Variants in TBX10 observed in about 807,000 individuals in gnomAD.
TBX10 encodes the protein T-box transcription factor TBX10.
Under a neutral mutation model 32.4 loss-of-function variants are expected in TBX10, and 26 were observed. The ratio of observed to expected loss-of-function variants is 0.80; its 90% CI spans 0.59 to 1.11. The LOEUF (loss-of-function observed/expected upper bound fraction) is 1.11. Ranked by LOEUF, TBX10 falls within the 50% of genes most tolerant of loss-of-function variation. The pLI, the probability that TBX10 is intolerant of heterozygous loss-of-function variation, is 0.00. For missense variants in TBX10, 490 were observed against 494.5 expected, an observed-to-expected ratio of 0.99 and a Z score of 0.09; for synonymous variants, 195 against 203.1, an observed-to-expected ratio of 0.96 and a Z score of 0.34.
chr11:67,640,223 C>T (rs955660073), upstream of TBX10, among the ~76,000 whole-genome samples: 20 of 152,340 alleles, frequency 1.3e-4, no homozygotes, highest in Admixed American at 9.8e-4. Flanking sequence ...TCCTGTGGCA[C>T]GTGAACCCAC....
intron 3 of TBX10, 151 bp downstream of exon 3, chr11:67,634,665 C>T: frequency 1.1e-6 from 1 of 894,520 alleles, no homozygotes; most frequent in East Asian, 2.6e-5. Flanking sequence ...TGCCCTCAGG[C>T]TGTTGTTGCG....
At chr11:67,633,840 C>T (rs1360724253) in intron 4 of TBX10, among the ~76,000 whole-genome samples, 1 of 152,216 alleles carries the variant, frequency 6.6e-6, no homozygotes, top group Non-Finnish European at 1.5e-5. Context: ...CAGGAAGTGA[C>T]CTCTGTGAGG....
chr11:67,638,280 A>G (rs1450955182), intron 1 of TBX10, among the ~76,000 whole-genome samples: 1 of 147,588 alleles, frequency 6.8e-6, no homozygotes, highest in African/African-American at 2.5e-5. Context: ...TGTGTTATGT[A>G]TATTTTACAA....
chr11:67,634,975 C>T, intron 2 of TBX10, 21 bp downstream of exon 2: 1 of 1,613,312 alleles, frequency 6.2e-7, no homozygotes. Flanking sequence ...CCCTGCCTCA[C>T]CCCGCCCCCG....
rs1380853498 is a variant in TBX10, at chr11:67,631,556, C to G, written c.*49G>C. 4 of 1,558,758 alleles carry G rather than the reference C, an allele frequency of 2.6e-6. No individual in the cohort carries two copies. Among genetic ancestry groups the G allele is most frequent in the Admixed American group, 1.9e-5 (1 of 53,626 alleles). On this transcript the variant is annotated 3_prime_UTR_variant, in exon 8 of 8. Transcript: ENST00000335385. The stretch of plus-strand genomic sequence containing the variant: ...GGCGGGGCAGAGGCTGATTCCCACA[C>G]CCGGTGTAAGGTCCAGGGTAGCAGG...
At chr11:67,641,550 C>T (rs573308034), upstream of TBX10, among the ~76,000 whole-genome samples, 2 of 152,350 alleles carry the variant, frequency 1.3e-5, no homozygotes, top group South Asian at 2.1e-4. Context: ...CCCCCGTATC[C>T]TTCACACCTT....
In TBX10 at chr11:67,632,595, G is replaced by A. The variant is rs750672454; in HGVS notation, c.773+8C>T. ...GGGTGAGGGGCTAGGGTCAGGGTCAGACAGTACCAGGAGTCCAGGTCACTC... is the reference window on the plus strand; with the variant it reads ...GGGTGAGGGGCTAGGGTCAGGGTCAAACAGTACCAGGAGTCCAGGTCACTC... On this transcript the variant is annotated splice_region_variant and intron_variant, in intron 6 of 7. Coordinates refer to ENST00000335385, the MANE Select transcript of TBX10 (RefSeq NM_005995.5). 1 of 1,614,000 alleles carries A rather than the reference G, an allele frequency of 6.2e-7. No individual in the cohort carries two copies. Among genetic ancestry groups the A allele is most frequent in the Admixed American group, 1.7e-5 (1 of 60,032 alleles).
In TBX10 at chr11:67,632,044, T is replaced by C; in HGVS notation, c.869-150A>G. ...TTTCCCTCTGCCTGGAATTTCTTCT[T>C]CACCTTCTCCCTCTGTCCAAACCCT... On this transcript the variant is annotated intron_variant, in intron 7 of 7. Transcript: ENST00000335385. 3 of 1,237,782 alleles carry C rather than the reference T, an allele frequency of 2.4e-6. No homozygotes were observed. In the South Asian group the frequency reaches 4.2e-5, roughly 17 times the overall value. The allele number at this position is 1,237,782 out of a possible 1,614,324, so 76.7% of individuals were successfully genotyped here. A position where few individuals can be genotyped will look rare whatever the true frequency, so the allele number is the denominator to read the frequency against.
chr11:67,640,451 C>T (rs1219838516), upstream of TBX10, among the ~76,000 whole-genome samples: 3 of 152,176 alleles, frequency 2.0e-5, no homozygotes, highest in East Asian at 1.9e-4. Context: ...TGAGTGGAAA[C>T]GGTGAGGCTG....
At position 67,634,910 on chromosome 11, in the gene TBX10, A is replaced by T. The variant is rs764930595; in HGVS notation, c.283T>A (p.Phe95Ile). ...MIVTKAGRRMFPPFQVKILGM... is the reference protein window; with the variant it reads ...MIVTKAGRRMIPPFQVKILGM... ...AGGATCTTCACCTGGAAGGGGGGGA[A>T]CATCCTCCTGCGGGAGGGAGGTGCT... The change falls in exon 3 of 8, where the codon TTC becomes ATC. Residue 95 changes from phenylalanine to isoleucine, a missense_variant. Transcript: ENST00000335385. 22 of 1,613,154 alleles carry T rather than the reference A, an allele frequency of 1.4e-5. No homozygotes were observed. The highest frequency in any genetic ancestry group is 2.7e-5 in the African/African-American group (2 of 74,896).
rs767223205 is a variant in TBX10 at position 67,633,001 on chromosome 11, A to T, written c.652T>A (p.Phe218Ile). The change falls in exon 5 of 8, where the codon TTC becomes ATC. Residue 218 changes from phenylalanine to isoleucine, a missense_variant. By Grantham distance (21) the Phe-to-Ile change is conservative. Around this residue, in one of 3 missense-constraint regions of TBX10, gnomAD observed 307 missense variants for 294.9 expected, o/e 1.04. Transcript: ENST00000335385. Reference sequence around the variant, plus strand: ...GTGAACTGGGTCTCTGTGAAGATGAAGGACTTGAAGTTCTCCTGGGCATAG... The same window carrying T: ...GTGAACTGGGTCTCTGTGAAGATGATGGACTTGAAGTTCTCCTGGGCATAG... ...ERYAQENFKSFIFTETQFTAV... is the reference protein window; with the variant it reads ...ERYAQENFKSIIFTETQFTAV... The T allele has an allele frequency of 3.1e-6, 5 of 1,614,232 alleles. No individual in the cohort carries two copies. Among genetic ancestry groups the T allele is most frequent in the Non-Finnish European group, 4.2e-6 (5 of 1,180,022 alleles).
rs761700620 is a variant in TBX10, at chr11:67,634,365, G to C, written c.378-5C>G. Reference sequence around the variant, plus strand: ...GCCGAGCTGTGGAAGGCATACCTGGGGAGCACAGCGAGGTGGTGAGGGCTT... The same window carrying C: ...GCCGAGCTGTGGAAGGCATACCTGGCGAGCACAGCGAGGTGGTGAGGGCTT... On this transcript the variant is annotated splice_region_variant and splice_polypyrimidine_tract_variant and intron_variant, in intron 3 of 7. Coordinates refer to ENST00000335385, the MANE Select transcript of TBX10 (RefSeq NM_005995.5). 24 of 1,601,110 alleles carry C rather than the reference G, an allele frequency of 1.5e-5. No homozygotes were observed. Among genetic ancestry groups the C allele is most frequent in the Non-Finnish European group, 2.0e-5 (24 of 1,179,752 alleles).
At chr11:67,640,924 G>A (rs1855395531), upstream of TBX10, among the ~76,000 whole-genome samples, 1 of 152,164 alleles carries the variant, frequency 6.6e-6, no homozygotes, top group African/African-American at 2.4e-5. Flanking sequence ...ACGGTGGGCT[G>A]GCTCTGGGGG....
chr11:67,639,102 C>T (rs1855369934), intron 1 of TBX10, among the ~76,000 whole-genome samples: 2 of 152,154 alleles, frequency 1.3e-5, no homozygotes, highest in African/African-American at 4.8e-5. Context: ...TCCTCAGGGC[C>T]CAGAGATGAC....
upstream of TBX10, among the ~76,000 whole-genome samples, chr11:67,639,778 G>A (rs552290707): frequency 1.3e-5 from 2 of 152,194 alleles, no homozygotes; most frequent in East Asian, 1.9e-4. Flanking sequence ...AAGGCTGTGC[G>A]GGAGGAGGGC....
rs763551553 is a variant in TBX10, at chr11:67,632,985, G to C, written c.668C>G (p.Thr223Ser). ...ENFKSFIFTE[T>S]QFTAVTAYQN... ...ATAGGCTGTCACTGCTGTGAACTGG[G>C]TCTCTGTGAAGATGAAGGACTTGAA... is the stretch of plus-strand genomic sequence containing the variant. The change falls in exon 5 of 8, where the codon ACC becomes AGC. Residue 223 changes from threonine (T) to serine (S), a missense_variant. Coordinates refer to ENST00000335385, the MANE Select transcript of TBX10 (RefSeq NM_005995.5). 6.2e-7 allele frequency: 1 copy of C among 1,614,116 alleles called. No individual in the cohort carries two copies. The highest frequency in any genetic ancestry group is 8.5e-7 in the Non-Finnish European group (1 of 1,180,028).
At position 67,632,648 on chromosome 11, in the gene TBX10, C is replaced by T; in HGVS notation, c.728G>A (p.Ser243Asn). The change falls in exon 6 of 8, where the codon AGC becomes AAC. Residue 243 changes from serine to asparagine, a missense_variant. By Grantham distance (46) the Ser-to-Asn change is conservative. Coordinates refer to ENST00000335385, the MANE Select transcript of TBX10 (RefSeq NM_005995.5). ...TCTAAAGCCTTTGGCAAAAGGGTTGCTGGCGATTTTCAGCTGGGTGATCTG... is the reference window on the plus strand; with the variant it reads ...TCTAAAGCCTTTGGCAAAAGGGTTGTTGGCGATTTTCAGCTGGGTGATCTG... ...NHRITQLKIA[S>N]NPFAKGFRES... is the part of the protein sequence containing the mutation. The T allele has an allele frequency of 6.2e-7, 1 of 1,614,076 alleles. No homozygotes were observed. The highest frequency in any genetic ancestry group is 1.1e-5 in the South Asian group (1 of 91,084).
At position 67,634,813 on chromosome 11, in the gene TBX10, C is replaced by T. The variant is rs747841385; in HGVS notation, c.377+3G>A. On this transcript the variant is annotated splice_donor_region_variant and intron_variant, in intron 3 of 7. Transcript: ENST00000335385. Reference sequence around the variant, plus strand: ...AGCCTTTGCCCCAGGCCGGTCCCCGCACCTGTATCTCTTGTCGTCCAGGGG... The same window carrying T: ...AGCCTTTGCCCCAGGCCGGTCCCCGTACCTGTATCTCTTGTCGTCCAGGGG... 1 of 1,613,414 alleles carries T rather than the reference C, an allele frequency of 6.2e-7. No individual in the cohort carries two copies. The highest frequency in any genetic ancestry group is 1.7e-5 in the Admixed American group (1 of 60,024).
chr11:67,636,517 A>ATTT (rs1565234982), intron 1 of TBX10, among the ~76,000 whole-genome samples: 2 of 87,544 alleles, frequency 2.3e-5, no homozygotes, highest in Admixed American at 1.1e-4. Flanking sequence ...TTATTTATTT[A>ATTT]TTTATTTTTT....
Sources: allele counts gnomAD v4.1 joint callset (sites outside exome capture counted in the v4.1 genomes callset), GRCh38; gene constraint gnomAD v4.1.1; regional missense constraint gnomAD v4.1.1; transcripts MANE v1.5; gene names NCBI Gene and HGNC (gene_info 2026-07-23, HGNC 2026-07-21).